ZNF487: variants seen among roughly 807,000 people sequenced by gnomAD.
ZNF487 encodes zinc finger protein 487, also known as KRAB domain only 1.
Under a neutral mutation model 3.0 loss-of-function variants are expected in ZNF487, and 4 were observed. The observed-to-expected ratio is 1.35, with a 90% CI of 0.66 to 3.08. ZNF487 has a LOEUF of 3.08. Among genes scored for constraint, ZNF487 ranks in the 30% most tolerant of loss-of-function variants. The pLI is 0.01. For synonymous variants in ZNF487, 55 were observed against 34.6 expected (o/e 1.59, Z -2.06); for missense variants, 146 against 98.7 (o/e 1.48, Z -2.03).
intron 1 of ZNF487, among the ~76,000 whole-genome samples, chr10:43,448,178 A>G (rs1419600195): frequency 6.6e-6 from 1 of 151,232 alleles, no homozygotes; most frequent in East Asian, 2.0e-4. Context: ...TTTTGTAGAG[A>G]CGGGGTTTCA....
At chr10:43,455,290 C>A (rs1014914089) in intron 1 of ZNF487, among the ~76,000 whole-genome samples, 1 of 152,172 alleles carries the variant, frequency 6.6e-6, no homozygotes, top group Non-Finnish European at 1.5e-5. Flanking sequence ...GGTTTACAGG[C>A]GTGAGCCACG....
chr10:43,492,695 C>T, the ZNF487 span, among the ~76,000 whole-genome samples: 16 of 152,042 alleles, frequency 1.1e-4, no homozygotes, highest in Non-Finnish European at 2.2e-4. Context: ...CCTCGTGATC[C>T]GCCGGCCTCG....
chr10:43,474,607 G>A (rs1475989185), intron 1 of ZNF487, among the ~76,000 whole-genome samples: 1 of 151,976 alleles, frequency 6.6e-6, no homozygotes, highest in Non-Finnish European at 1.5e-5. Flanking sequence ...TTTTGAGACA[G>A]AGTCTAGCTC....
rs1246430600 is a variant in ZNF487 at position 43,481,586 on chromosome 10, A to G, written c.288A>G (p.Arg96=). The part of the protein sequence containing the change: ...FSLDTNPILS[R]KIRGNCDSSG... ...TTGACACAAACCCCATTCTATCAAGAAAAATACGTGGCAACTGTGACTCAT... is the reference window on the plus strand; with the variant it reads ...TTGACACAAACCCCATTCTATCAAGGAAAATACGTGGCAACTGTGACTCAT... The change falls in exon 4 of 4, where the codon AGA becomes AGG. Residue 96 remains arginine (R), a synonymous_variant. Coordinates refer to ENST00000437590, the MANE Select transcript of ZNF487 (RefSeq NM_001355444.3). 5.7e-6 allele frequency: 4 copies of G among 699,300 alleles called. No homozygotes were observed. The highest frequency in any genetic ancestry group is 1.1e-5 in the Non-Finnish European group (4 of 378,992). The allele number at this position is 699,300 out of a possible 1,614,324, so 43.3% of individuals were successfully genotyped here.
rs756180455 is a variant in ZNF487, at chr10:43,482,990, G to A, written c.*1068G>A. 3.7e-5 allele frequency: 19 copies of A among 506,804 alleles called. No homozygotes were observed. The highest frequency in any genetic ancestry group is 2.5e-4 in the African/African-American group (13 of 51,110). The allele number at this position is 506,804 out of a possible 1,614,324, so 31.4% of individuals were successfully genotyped here. On this transcript the variant is annotated 3_prime_UTR_variant, in exon 4 of 4. Transcript: ENST00000437590. ...CACATCAGAGAACACACACAAGGGA[G>A]CAACCCTATGAATATAATGAAAGCT... is the stretch of plus-strand genomic sequence containing the variant.
chr10:43,518,970 C>T, the ZNF487 span, among the ~76,000 whole-genome samples: 62 of 152,292 alleles, frequency 4.1e-4, no homozygotes, highest in Non-Finnish European at 7.2e-4. Context: ...AAAATTATAT[C>T]TCACAAATTT....
chr10:43,474,656 C>T (rs1055321632), intron 1 of ZNF487, among the ~76,000 whole-genome samples: 5 of 152,004 alleles, frequency 3.3e-5, no homozygotes, highest in South Asian at 2.1e-4. Flanking sequence ...GATCTTGGCT[C>T]ACTGCAACCT....
chr10:43,515,923 A>G, the ZNF487 span, among the ~76,000 whole-genome samples: 1 of 152,074 alleles, frequency 6.6e-6, no homozygotes. Context: ...TACAGGGCGC[A>G]CCACCACACC....
intron 1 of ZNF487, among the ~76,000 whole-genome samples, chr10:43,466,549 C>G (rs545083762): frequency 9.9e-5 from 15 of 150,896 alleles, no homozygotes; most frequent in African/African-American, 3.6e-4. Flanking sequence ...ATTACAGGTG[C>G]GCACCACCAC....
chr10:43,470,064 A>G (rs1257910799), intron 1 of ZNF487, among the ~76,000 whole-genome samples: 2 of 152,200 alleles, frequency 1.3e-5, no homozygotes, highest in African/African-American at 4.8e-5. Flanking sequence ...GGAAACCAAC[A>G]TACTCGCATG....
At chr10:43,498,258 TTA>T in the ZNF487 span, among the ~76,000 whole-genome samples, 9 of 126,774 alleles carry the variant, frequency 7.1e-5, 2 homozygotes, top group African/African-American at 2.7e-4. Flanking sequence ...ATTTGGTATT[TTA>T]TATATATATA....
the ZNF487 span, among the ~76,000 whole-genome samples, chr10:43,499,056 G>T: frequency 1.3e-5 from 2 of 152,192 alleles, no homozygotes; most frequent in African/African-American, 4.8e-5. Context: ...ACATAGGTCA[G>T]TTAGCAGTTA....
downstream of ZNF487, among the ~76,000 whole-genome samples, chr10:43,487,929 C>CAAAAAAAAAAAAAAAAAA (rs76705594): frequency 4.7e-4 from 19 of 40,444 alleles, no homozygotes; most frequent in Admixed American, 1.2e-3. Context: ...TACCAAAATA[C>CAAAAAAAAAAAAAAAAAA]AAAAAAAAAA....
chr10:43,461,299 G>C (rs1402959323), intron 1 of ZNF487, among the ~76,000 whole-genome samples: 1 of 128,682 alleles, frequency 7.8e-6, no homozygotes, highest in Non-Finnish European at 1.6e-5. Context: ...GAGCCAACAT[G>C]CCCGGCCCAG....
intron 1 of ZNF487, among the ~76,000 whole-genome samples, chr10:43,455,646 G>C (rs1840162067): frequency 1.3e-5 from 2 of 152,236 alleles, no homozygotes; most frequent in South Asian, 4.1e-4. Context: ...GCTTGTGGCA[G>C]CGACGGGCAC....
Position 43,482,756 on chromosome 10 carries a change from T to A in ZNF487, c.*834T>A. 2.1e-6 allele frequency: 1 copy of A among 469,578 alleles called. No homozygotes were observed. The highest frequency in any genetic ancestry group is 6.0e-5 in the East Asian group (1 of 16,588). The allele number at this position is 469,578 out of a possible 1,614,324, so 29.1% of individuals were successfully genotyped here. On this transcript the variant is annotated 3_prime_UTR_variant, in exon 4 of 4. Transcript: ENST00000437590. The stretch of plus-strand genomic sequence containing the variant: ...CAGGAGAGAGACCCTTTGAATGCAA[T>A]GAATGTCAAAAATCCTTCTCTGTGA...
chr10:43,505,999 GA>G, the ZNF487 span, among the ~76,000 whole-genome samples: 8 of 152,228 alleles, frequency 5.3e-5, no homozygotes, highest in African/African-American at 1.9e-4. Context: ...AAAAATGCAT[GA>G]ATACTGACTT....
rs1294111525 is a variant in ZNF487 at position 43,480,000 on chromosome 10, TTTC to T, written c.131-1426_131-1424del. ...CTTTCTTTCCTTCTTTCTTTCTTTC[TTTC>T]TTTCTTTCTTTCTTTCTTTCTTTCT... On this transcript the variant is annotated intron_variant, in intron 3 of 3. Coordinates refer to ENST00000437590, the MANE Select transcript of ZNF487 (RefSeq NM_001355444.3). Among the ~76,000 whole-genome samples, 6 of 72,640 alleles carry T rather than the reference TTTC, an allele frequency of 8.3e-5. No homozygotes were observed. The Admixed American group carries it at 1.0e-3, about 12-fold the overall frequency. The allele number at this position is 72,640 out of a possible 152,430, so 47.7% of individuals were successfully genotyped here.
chr10:43,518,556 G>A, the ZNF487 span, among the ~76,000 whole-genome samples: 5 of 151,784 alleles, frequency 3.3e-5, no homozygotes, highest in African/African-American at 1.2e-4. Context: ...TTGCCATATT[G>A]CCCCTTATCT....
Sources: allele counts gnomAD v4.1 joint callset (sites outside exome capture counted in the v4.1 genomes callset), GRCh38; gene constraint gnomAD v4.1.1; transcripts MANE v1.5; gene names NCBI Gene and HGNC (gene_info 2026-07-23, HGNC 2026-07-21).